Variants in AAK1 observed in about 807,000 individuals in gnomAD.
The protein encoded by AAK1 is AP2-associated protein kinase 1.
AAK1 carries 37 observed loss-of-function variants against 116.0 expected under a neutral mutation model. The ratio of observed to expected loss-of-function variants is 0.32; its 90% CI spans 0.25 to 0.42. The LOEUF is 0.42. AAK1 is among the 10% of genes least tolerant of loss of function. The pLI is 1.00. For synonymous variants in AAK1, 458 were observed against 439.9 expected (o/e 1.04, Z -0.51); for missense variants, 919 against 1,170.6 (o/e 0.79, Z 3.14).
At chr2:69,519,327 G>A (rs1470631809) in intron 11 of AAK1, 87 bp from the exon 12 acceptor site, 2 of 1,450,292 alleles carry the variant, frequency 1.4e-6, no homozygotes, top group African/African-American at 2.9e-5. Flanking sequence ...CTAATAGGGG[G>A]TGACAAGTGT....
At chr2:69,498,740 C>T (rs1421404059) in intron 16 of AAK1, among the ~76,000 whole-genome samples, 1 of 152,156 alleles carries the variant, frequency 6.6e-6, no homozygotes, top group Non-Finnish European at 1.5e-5. Context: ...GGAATCTGGC[C>T]GCCTCCTTTA....
At chr2:69,546,955 A>T (rs1257059524) in intron 3 of AAK1, among the ~76,000 whole-genome samples, 3 of 152,228 alleles carry the variant, frequency 2.0e-5, no homozygotes, top group Admixed American at 2.0e-4. Flanking sequence ...GAAGCAGTTC[A>T]TTGATTTATA....
chr2:69,604,070 T>C (rs1673694608), intron 2 of AAK1, among the ~76,000 whole-genome samples: 1 of 152,230 alleles, frequency 6.6e-6, no homozygotes, highest in Non-Finnish European at 1.5e-5. Flanking sequence ...TCTGATCTCA[T>C]CCCTTCAGAA....
chr2:69,583,923 G>GA (rs764232114), intron 2 of AAK1, among the ~76,000 whole-genome samples: 1 of 152,046 alleles, frequency 6.6e-6, no homozygotes, highest in African/African-American at 2.4e-5. Context: ...CCCCTGAATG[G>GA]AAAAAAAATG....
At chr2:69,539,885 A>G (rs1322582684) in intron 5 of AAK1, among the ~76,000 whole-genome samples, 4 of 152,200 alleles carry the variant, frequency 2.6e-5, no homozygotes, top group African/African-American at 4.8e-5. Context: ...CTATCTGGCC[A>G]TACATTAAAC....
At chr2:69,534,144 C>T (rs1670367391) in intron 5 of AAK1, among the ~76,000 whole-genome samples, 1 of 152,222 alleles carries the variant, frequency 6.6e-6, no homozygotes, top group Admixed American at 6.5e-5. Context: ...TATCCCACTA[C>T]ATCCTCATAA....
chr2:69,517,946 C>T (rs971725194), intron 12 of AAK1, among the ~76,000 whole-genome samples: 1 of 151,980 alleles, frequency 6.6e-6, no homozygotes, highest in Non-Finnish European at 1.5e-5. Flanking sequence ...GGCAAAATAA[C>T]GAGACCCCCA....
intron 16 of AAK1, 116 bp downstream of exon 16, chr2:69,505,453 T>C (rs892259227): frequency 4.8e-6 from 3 of 630,458 alleles, no homozygotes; most frequent in Non-Finnish European, 8.2e-6. Flanking sequence ...TATATATATA[T>C]ACACGGTACT....
At chr2:69,488,149 C>CGT (rs58575925) in intron 17 of AAK1, among the ~76,000 whole-genome samples, 8,306 of 144,554 alleles carry the variant, frequency 0.057, 255 homozygotes, top group African/African-American at 0.073. Context: ...TGTGTGTGGA[C>CGT]GTGTGTGTGT....
intron 2 of AAK1, among the ~76,000 whole-genome samples, chr2:69,634,576 G>A (rs571545215): frequency 1.3e-5 from 2 of 152,356 alleles, no homozygotes; most frequent in African/African-American, 4.8e-5. Context: ...TAGTTGGCAT[G>A]ATATGACCAA....
rs149719088 is a variant in AAK1, at chr2:69,508,804, A to G, written c.2006+427T>C. Among the ~76,000 whole-genome samples, 1,006 of 152,348 alleles carry G rather than the reference A, an allele frequency of 6.6e-3. 10 individuals are homozygous for G. Among genetic ancestry groups the G allele is most frequent in the African/African-American group, 0.023 (966 of 41,574 alleles). ...AACAAAGGGCTCGGGAAGGTGAAGAATGGCAAGTCTGCCTGTGAAACACAA... is the reference window on the plus strand; with the variant it reads ...AACAAAGGGCTCGGGAAGGTGAAGAGTGGCAAGTCTGCCTGTGAAACACAA... On this transcript the variant is annotated intron_variant, in intron 14 of 21. Transcript: ENST00000409085.
chr2:69,561,136 C>T (rs1671616764), intron 2 of AAK1, among the ~76,000 whole-genome samples: 1 of 152,148 alleles, frequency 6.6e-6, no homozygotes, highest in East Asian at 1.9e-4. Flanking sequence ...GCACAGAGGC[C>T]AAAGAAAACA....
At chr2:69,639,661 C>T (rs952290894) in intron 2 of AAK1, among the ~76,000 whole-genome samples, 4 of 152,128 alleles carry the variant, frequency 2.6e-5, no homozygotes, top group African/African-American at 7.2e-5. Flanking sequence ...CCAATACCCA[C>T]GCTAGAGAAA....
intron 2 of AAK1, among the ~76,000 whole-genome samples, chr2:69,581,444 G>T (rs899894111): frequency 6.6e-6 from 1 of 152,164 alleles, no homozygotes; most frequent in Non-Finnish European, 1.5e-5. Context: ...TGGCATTGTA[G>T]AGTGAATGTA....
chr2:69,535,557 A>G (rs1218507698), intron 5 of AAK1, among the ~76,000 whole-genome samples: 1 of 152,176 alleles, frequency 6.6e-6, no homozygotes, highest in Admixed American at 6.5e-5. Flanking sequence ...AGGTGAATGT[A>G]TGTAAGGTGA....
At position 69,507,588 on chromosome 2, in the gene AAK1, T is replaced by G. The variant is rs540094177; in HGVS notation, c.2007-10A>C. 11 of 1,582,698 alleles carry G rather than the reference T, an allele frequency of 7.0e-6. No individual in the cohort carries two copies. In the African/African-American group the frequency reaches 1.5e-4, roughly 21 times the overall value. ...AGTGGTGGTTGCAGACCTAGGTAGG[T>G]TCCCACCCCCACGAAACAAAAAGAT... On this transcript the variant is annotated splice_polypyrimidine_tract_variant and intron_variant, in intron 14 of 21. Transcript: ENST00000409085.
chr2:69,598,259 G>A (rs1166162145), intron 2 of AAK1: 1 of 408,218 alleles, frequency 2.4e-6, no homozygotes, highest in Admixed American at 3.9e-5. Flanking sequence ...TTTTTCACAG[G>A]TTATCCTCTG....
rs549859195 is a variant in AAK1, at chr2:69,519,389, T to A, written c.1211-149A>T. On this transcript the variant is annotated intron_variant, in intron 11 of 21. Transcript: ENST00000409085. Reference sequence around the variant, plus strand: ...CCTCACTGTCTTTCCACATGCTCTGTCCCACCTGGAATGTCTTTCTATCTT... The same window carrying A: ...CCTCACTGTCTTTCCACATGCTCTGACCCACCTGGAATGTCTTTCTATCTT... 2.1e-4 allele frequency: 243 copies of A among 1,173,480 alleles called. 1 individual carries two copies. In the South Asian group the frequency reaches 4.0e-3, roughly 19 times the overall value. The allele number at this position is 1,173,480 out of a possible 1,614,324, so 72.7% of individuals were successfully genotyped here. A position where few individuals can be genotyped will look rare whatever the true frequency, so the allele number is the denominator to read the frequency against.
At chr2:69,537,267 G>A (rs1024558681) in intron 5 of AAK1, among the ~76,000 whole-genome samples, 2 of 152,222 alleles carry the variant, frequency 1.3e-5, no homozygotes, top group African/African-American at 4.8e-5. Flanking sequence ...ATGTATTAGA[G>A]GAGAGATCTT....
Sources: gnomAD v4.1 joint callset for allele counts (sites outside exome capture counted in the v4.1 genomes callset) on GRCh38, gnomAD v4.1.1 for gene constraint, MANE v1.5 for transcripts, NCBI Gene and HGNC (gene_info 2026-07-23, HGNC 2026-07-21) for gene names.